Variants in FBN3 observed in about 807,000 individuals in gnomAD.
FBN3 encodes the protein fibrillin-3.
A neutral mutation model predicts 330.1 loss-of-function variants in FBN3; 234 were observed. The ratio of observed to expected loss-of-function variants is 0.71; its 90% CI spans 0.64 to 0.79. FBN3 has a LOEUF of 0.79. Among genes scored for constraint, FBN3 ranks in the 30% least tolerant of loss-of-function variants. The pLI is 0.00. For synonymous variants in FBN3, 1,458 were observed against 1,517.3 expected, an observed-to-expected ratio of 0.96 and a Z score of 0.91; for missense variants, 3,606 against 3,886.9, an observed-to-expected ratio of 0.93 and a Z score of 1.92.
intron 47 of FBN3, among the ~76,000 whole-genome samples, chr19:8,094,001 AGGCTGGTCCAGGTTAG>A (rs1288945491): frequency 6.6e-6 from 1 of 152,170 alleles, no homozygotes; most frequent in Non-Finnish European, 1.5e-5. Flanking sequence ...TGCTCAGCCC[AGGCTGGTCCAGGTTAG>A]CCCACACTCT....
intron 34 of FBN3, among the ~76,000 whole-genome samples, chr19:8,110,269 G>A (rs111642087): frequency 6.6e-6 from 1 of 152,116 alleles, no homozygotes; most frequent in African/African-American, 2.4e-5. Flanking sequence ...ATGTTGCTCA[G>A]GCTGGTCTCC....
Position 8,136,483 on chromosome 19 carries a change from T to A in FBN3, c.1250A>T (p.Asn417Ile). The A allele has an allele frequency of 2.5e-6, 4 of 1,614,112 alleles. No homozygotes were observed. Among genetic ancestry groups the A allele is most frequent in the African/African-American group, 1.3e-5 (1 of 75,028 alleles). The change falls in exon 11 of 64, where the codon AAC (asparagine) becomes ATC (isoleucine). Residue 417 changes from asparagine to isoleucine, a missense_variant. Transcript: ENST00000600128. ...CAGGCAGCGGCCATTCAGACACAGG[T>A]TGGTGAAGTGTCGGCAGATGTCAAT... is the stretch of plus-strand genomic sequence containing the variant. ...QTIDICRHFT[N>I]LCLNGRCLPT...
rs1454767714 is a variant in FBN3, at chr19:8,075,315, A to G, written c.7550T>C (p.Phe2517Ser). 1 of 1,614,154 alleles carries G rather than the reference A, an allele frequency of 6.2e-7. No individual in the cohort carries two copies. The highest frequency in any genetic ancestry group is 1.1e-5 in the South Asian group (1 of 91,070). Residue 2517 changes from phenylalanine to serine, a missense_variant, in exon 60 of 64, where the codon TTC (phenylalanine) becomes TCC (serine). Coordinates refer to ENST00000600128, the MANE Select transcript of FBN3 (RefSeq NM_032447.5). ...GCCATGGCCTGAGCTGACCAGGGTGAAGCCTTGGTGGCATTCACAGCGGAA... is the reference window on the plus strand; with the variant it reads ...GCCATGGCCTGAGCTGACCAGGGTGGAGCCTTGGTGGCATTCACAGCGGAA... The part of the protein sequence containing the change: ...GSFRCECHQG[F>S]TLVSSGHGCE...
In FBN3 at chr19:8,094,539, C is replaced by T; in HGVS notation, c.5812G>A (p.Gly1938Arg). The T allele has an allele frequency of 6.2e-7, 1 of 1,613,940 alleles. No individual in the cohort carries two copies. Among genetic ancestry groups the T allele is most frequent in the Middle Eastern group, 1.7e-4 (1 of 6,052 alleles). Residue 1938 changes from glycine to arginine, a missense_variant, in exon 47 of 64, where the codon GGA (glycine) becomes AGA (arginine). By Grantham distance (125) the Gly-to-Arg change is moderately radical. Transcript: ENST00000600128. ...VDTNECLSLA[G>R]TCLPGTCQNL... ...TGGCAAGTGCCGGGTAGGCAGGTTC[C>T]TGCAAGGCTGAGGCACTCATTGGTG...
At position 8,088,094 on chromosome 19, in the gene FBN3, G is replaced by A. The variant is rs776542955; in HGVS notation, c.6462C>T (p.Asp2154=). Residue 2154 remains aspartate, a synonymous_variant, in exon 52 of 64, where the codon GAC becomes GAT. Coordinates refer to ENST00000600128, the MANE Select transcript of FBN3 (RefSeq NM_032447.5). ...TCATCATGAGGCCAGGCTCAAAGCC[G>A]TCAGCACAGGCACATTCGAAGCCTC... The part of the protein sequence containing the change: ...VIGGFECACA[D]GFEPGLMMTC... 96 of 1,613,988 alleles carry A rather than the reference G, an allele frequency of 5.9e-5. No homozygotes were observed. Among genetic ancestry groups the A allele is most frequent in the East Asian group, 1.1e-4 (5 of 44,882 alleles).
At chr19:8,127,969 C>T (rs1178044402) in intron 18 of FBN3, among the ~76,000 whole-genome samples, 1 of 152,048 alleles carries the variant, frequency 6.6e-6, no homozygotes, top group Non-Finnish European at 1.5e-5. Flanking sequence ...CCATTGCACT[C>T]CAGCCTGGGT....
intron 46 of FBN3, 119 bp downstream of exon 46, chr19:8,095,256 A>C: frequency 8.8e-7 from 1 of 1,136,890 alleles, no homozygotes; most frequent in Non-Finnish European, 1.2e-6. Context: ...TTTTTTTTTA[A>C]ATCTTAAAAT....
intron 18 of FBN3, among the ~76,000 whole-genome samples, chr19:8,127,080 CAG>C (rs2083013421): frequency 8.6e-6 from 1 of 116,622 alleles, no homozygotes; most frequent in African/African-American, 3.2e-5. Context: ...TTTTTTGAGA[CAG>C]AGTCTCGCTC....
chr19:8,096,210 C>T lies in FBN3; in HGVS notation c.5540-130G>A. 3 of 877,652 alleles carry T rather than the reference C, an allele frequency of 3.4e-6. No individual in the cohort carries two copies. Among genetic ancestry groups the T allele is most frequent in the Non-Finnish European group, 5.6e-6 (3 of 535,810 alleles). The allele number at this position is 877,652 out of a possible 1,614,324, so 54.4% of individuals were successfully genotyped here. A position where few individuals can be genotyped will look rare whatever the true frequency, so the allele number is the denominator to read the frequency against. ...CTGCCTAGATGACTGGGCAGTGACCCCTGGCGGTGATGGCTGGGAAGTACT... is the reference window on the plus strand; with the variant it reads ...CTGCCTAGATGACTGGGCAGTGACCTCTGGCGGTGATGGCTGGGAAGTACT... On this transcript the variant is annotated intron_variant, in intron 44 of 63. Transcript: ENST00000600128. This position sits in a 1 kb window ranked among gnomAD's most constrained non-coding sequence, Gnocchi z 4.6.
chr19:8,145,036 C>T, intron 5 of FBN3, 64 bp from the exon 6 acceptor site: 1 of 1,410,004 alleles, frequency 7.1e-7, no homozygotes, highest in Non-Finnish European at 9.8e-7. Flanking sequence ...GGGTTCACAG[C>T]AAGCCTGTCT....
chr19:8,076,945 G>T (rs918021396), intron 59 of FBN3, among the ~76,000 whole-genome samples: 4 of 152,046 alleles, frequency 2.6e-5, no homozygotes, highest in African/African-American at 9.7e-5. Context: ...TATTTTTAGT[G>T]GGGACTACGT....
At chr19:8,083,805 C>CTTTTCTTTTTTTTT (rs766533055) in intron 56 of FBN3, among the ~76,000 whole-genome samples, 3 of 134,082 alleles carry the variant, frequency 2.2e-5, no homozygotes, top group Non-Finnish European at 3.2e-5. Context: ...ACTATTTTTT[C>CTTTTCTTTTTTTTT]TTTTTTTTTT....
chr19:8,076,775 T>A (rs1056536768), intron 59 of FBN3, among the ~76,000 whole-genome samples: 1 of 152,208 alleles, frequency 6.6e-6, no homozygotes, highest in South Asian at 2.1e-4. Flanking sequence ...TAATTTTGGT[T>A]TTTTTAGATA....
intron 26 of FBN3, among the ~76,000 whole-genome samples, chr19:8,118,666 CAT>C (rs1240051730): frequency 1.3e-5 from 2 of 152,164 alleles, no homozygotes; most frequent in African/African-American, 2.4e-5. Context: ...GACACTCACA[CAT>C]GTGCGTGTTC....
At chr19:8,128,583 C>T (rs958806043) in intron 18 of FBN3, among the ~76,000 whole-genome samples, 2 of 150,248 alleles carry the variant, frequency 1.3e-5, no homozygotes, top group Non-Finnish European at 3.0e-5. Context: ...AAAAAGAATA[C>T]GTGTGTATGT....
chr19:8,116,381 T>C (rs553875755), intron 29 of FBN3, among the ~76,000 whole-genome samples: 7 of 152,288 alleles, frequency 4.6e-5, no homozygotes, highest in African/African-American at 7.2e-5. Flanking sequence ...AATCCTCTGA[T>C]AGATGTTGGG....
intron 61 of FBN3, among the ~76,000 whole-genome samples, chr19:8,073,894 C>T (rs1485656762): frequency 6.6e-6 from 1 of 152,096 alleles, no homozygotes; most frequent in Non-Finnish European, 1.5e-5. Context: ...GTTGCCTAGG[C>T]TGGTCTTGAA....
rs767322717 is a variant in FBN3, at chr19:8,103,653, A to G, written c.4848T>C (p.Cys1616=). Residue 1616 remains cysteine (C), a synonymous_variant, in exon 39 of 64, where the codon TGT becomes TGC. Coordinates refer to ENST00000600128, the MANE Select transcript of FBN3 (RefSeq NM_032447.5). The part of the protein sequence containing the change: ...IDECSTHSGI[C]GPGTCYNTLG... ...GGGTGTTGTAGCAGGTGCCAGGGCC[A>G]CAGATGCCGGAGTGTGTGGAGCATT... The G allele has an allele frequency of 3.7e-6, 6 of 1,613,754 alleles. No homozygotes were observed. In the Admixed American group the frequency reaches 8.3e-5, roughly 22 times the overall value.
At chr19:8,122,280 T>A (rs896003139) in intron 24 of FBN3, among the ~76,000 whole-genome samples, 3 of 151,682 alleles carry the variant, frequency 2.0e-5, no homozygotes, top group South Asian at 2.1e-4. Flanking sequence ...CCTCCAAAAG[T>A]GCTGGGATCA....
Sources: allele counts gnomAD v4.1 joint callset (sites outside exome capture counted in the v4.1 genomes callset), GRCh38; gene constraint gnomAD v4.1.1; non-coding constraint Gnocchi (gnomAD v3.1); transcripts MANE v1.5; gene names NCBI Gene and HGNC (gene_info 2026-07-23, HGNC 2026-07-21).